Variants in CEP164 observed in about 807,000 individuals in gnomAD.
The protein encoded by CEP164 is centrosomal protein 164, also known as centrosomal protein of 164 kDa.
In CEP164, 162 loss-of-function variants were observed where a neutral mutation model predicts 182.7. That is an observed-to-expected ratio of 0.89 (90% CI 0.78 to 1.01). The LOEUF (loss-of-function observed/expected upper bound fraction) is 1.01, where lower values mean the gene tolerates loss of function less well. Ranked by LOEUF, CEP164 falls within the 50% of genes least tolerant of loss-of-function variation. CEP164 has a pLI of 0.00. For synonymous variants in CEP164, 661 were observed against 690.0 expected, an observed-to-expected ratio of 0.96 and a Z score of 0.66; for missense variants, 1,735 against 1,790.4, an observed-to-expected ratio of 0.97 and a Z score of 0.56.
chr11:117,374,615 A>T (rs1372740061), intron 10 of CEP164, among the ~76,000 whole-genome samples: 1 of 152,210 alleles, frequency 6.6e-6, no homozygotes, highest in East Asian at 1.9e-4. Context: ...CTGAAAGGAA[A>T]ATGTCACCAA....
chr11:117,398,105 C>T (rs1411058725), intron 27 of CEP164, among the ~76,000 whole-genome samples: 3 of 152,104 alleles, frequency 2.0e-5, no homozygotes, highest in Non-Finnish European at 2.9e-5. Context: ...ACAGCCATTC[C>T]AAATGGGAGA....
At position 117,365,609 on chromosome 11, in the gene CEP164, C is replaced by T. The variant is rs188299155; in HGVS notation, c.765+2103C>T. ...TTTCTTTTTTTTAGATGAAGTCTCT[C>T]ACTCTTGTCCCCCAGGCTGTAGTGC... On this transcript the variant is annotated intron_variant, in intron 8 of 32. Coordinates refer to ENST00000278935, the MANE Select transcript of CEP164 (RefSeq NM_014956.5). Among the ~76,000 whole-genome samples, 11 of 152,154 alleles carry T rather than the reference C, an allele frequency of 7.2e-5. No individual in the cohort carries two copies. The East Asian group carries it at 1.5e-3, about 21-fold the overall frequency.
chr11:117,363,626 T>A, intron 8 of CEP164, 120 bp downstream of exon 8: 1 of 658,332 alleles, frequency 1.5e-6, no homozygotes, highest in Admixed American at 2.9e-5. Context: ...GTCCCAGTCC[T>A]TCCAGATGAG....
intron 27 of CEP164, among the ~76,000 whole-genome samples, chr11:117,404,904 G>A (rs1050113566): frequency 3.9e-5 from 6 of 152,220 alleles, no homozygotes; most frequent in African/African-American, 1.4e-4. Flanking sequence ...TTGTGGAGCT[G>A]TGGTGGGCTC....
chr11:117,324,721 G>C (rs2035367556), upstream of CEP164, among the ~76,000 whole-genome samples: 1 of 152,112 alleles, frequency 6.6e-6, no homozygotes, highest in African/African-American at 2.4e-5. Flanking sequence ...AATCAACAGG[G>C]CTGGGCGTGG....
chr11:117,394,586 G>A lies in CEP164; in HGVS notation c.2760+93G>A. The A allele has an allele frequency of 6.7e-7, 1 of 1,484,302 alleles. No homozygotes were observed. Among genetic ancestry groups the A allele is most frequent in the East Asian group, 2.3e-5 (1 of 42,988 alleles). The allele number at this position is 1,484,302 out of a possible 1,614,324, so 91.9% of individuals were successfully genotyped here. On this transcript the variant is annotated intron_variant, in intron 21 of 32. Transcript: ENST00000278935. This position sits in a 1 kb window ranked among gnomAD's most constrained non-coding sequence, Gnocchi z 4.0. ...AGACGCATGGCCCCAGCAGGATGCA[G>A]CCTGACAGCTTCTGGAGTGAGAGTC...
intron 7 of CEP164, among the ~76,000 whole-genome samples, chr11:117,362,744 C>T (rs1453524879): frequency 2.6e-5 from 4 of 152,090 alleles, no homozygotes; most frequent in African/African-American, 9.7e-5. Flanking sequence ...TGCACTCCCC[C>T]GCCGCCACTA....
chr11:117,342,667 G>A (rs2038297728), intron 3 of CEP164, among the ~76,000 whole-genome samples: 1 of 151,536 alleles, frequency 6.6e-6, no homozygotes, highest in Non-Finnish European at 1.5e-5. Flanking sequence ...ATATAGACGA[G>A]GTTTCTCCAT....
At chr11:117,391,269 G>A in intron 17 of CEP164, 54 bp downstream of exon 17, 3 of 1,523,638 alleles carry the variant, frequency 2.0e-6, no homozygotes, top group Non-Finnish European at 2.7e-6. Flanking sequence ...GGCTGCCTGG[G>A]GAGGGACTGA....
At chr11:117,356,477 G>A in intron 5 of CEP164, 1 of 1,284,770 alleles carries the variant, frequency 7.8e-7, no homozygotes, top group South Asian at 1.2e-5. Flanking sequence ...TCAGGAGGTG[G>A]CCCTCGCCCC....
At chr11:117,369,753 A>G (rs1198583970) in intron 8 of CEP164, among the ~76,000 whole-genome samples, 1 of 152,204 alleles carries the variant, frequency 6.6e-6, no homozygotes. Flanking sequence ...CCCAGCAGAG[A>G]TTATTGGCTG....
chr11:117,409,621 A>G lies in CEP164; in HGVS notation c.3752A>G (p.Asp1251Gly). The change falls in exon 30 of 33, where the codon GAC becomes GGC. Residue 1251 changes from aspartate (D) to glycine (G), a missense_variant. By Grantham distance (94) the Asp-to-Gly change is moderately conservative (BLOSUM62 -1). Coordinates refer to ENST00000278935, the MANE Select transcript of CEP164 (RefSeq NM_014956.5). The surrounding 1 kb of genome is among the most constrained non-coding windows in gnomAD (Gnocchi z 4.4). ...HREWWRQQRIDSTPSLTSRKI... is the reference protein window; with the variant it reads ...HREWWRQQRIGSTPSLTSRKI... The stretch of plus-strand genomic sequence containing the variant: ...CCATCCACCTCTTTTCTTTCAGTCG[A>G]CTCAACCCCGAGTCTCACCTCCCGC... The G allele has an allele frequency of 6.2e-7, 1 of 1,605,548 alleles. No individual in the cohort carries two copies. The highest frequency in any genetic ancestry group is 1.7e-4 in the Middle Eastern group (1 of 5,980).
intron 1 of CEP164, among the ~76,000 whole-genome samples, chr11:117,333,650 TC>T (rs2036564904): frequency 6.6e-6 from 1 of 152,072 alleles, no homozygotes; most frequent in Admixed American, 6.5e-5. Flanking sequence ...CGCCTCAGTC[TC>T]CCCTGTAGCT....
In CEP164 at chr11:117,351,895, G is replaced by A. The variant is rs746506387; in HGVS notation, c.300G>A (p.Arg100=). The change falls in exon 5 of 33, where the codon CGG becomes CGA. Residue 100 remains arginine (R), a synonymous_variant. Coordinates refer to ENST00000278935, the MANE Select transcript of CEP164 (RefSeq NM_014956.5). Reference sequence around the variant, plus strand: ...ATCGGAGCTTGGTGATCCAAGAGCGGGCAAAGCTGTCAACTTCTGGGGCCA... The same window carrying A: ...ATCGGAGCTTGGTGATCCAAGAGCGAGCAAAGCTGTCAACTTCTGGGGCCA... ...EHYRSLVIQE[R]AKLSTSGAIK... 6.2e-7 allele frequency: 1 copy of A among 1,613,612 alleles called. No individual in the cohort carries two copies. Among genetic ancestry groups the A allele is most frequent in the Non-Finnish European group, 8.5e-7 (1 of 1,179,928 alleles).
intron 4 of CEP164, among the ~76,000 whole-genome samples, chr11:117,349,461 A>C (rs1442458785): frequency 2.0e-5 from 3 of 152,170 alleles, no homozygotes; most frequent in Non-Finnish European, 4.4e-5. Context: ...TTGCTGGGTC[A>C]CATGGTAATT....
chr11:117,383,286 T>G (rs2043549481), intron 14 of CEP164, among the ~76,000 whole-genome samples: 2 of 152,204 alleles, frequency 1.3e-5, no homozygotes, highest in African/African-American at 4.8e-5. Context: ...TGTTGAGGTA[T>G]GTATGTACAC....
rs376357203 is a variant in CEP164 at position 117,362,039 on chromosome 11, C to G, written c.552+46C>G. 2.7e-6 allele frequency: 4 copies of G among 1,499,068 alleles called. No individual in the cohort carries two copies. In the African/African-American group the frequency reaches 5.6e-5, roughly 21 times the overall value. The allele number at this position is 1,499,068 out of a possible 1,614,324, so 92.9% of individuals were successfully genotyped here. ...TCAGTGTCTGTAGTTCCTGTGGGGC[C>G]TCCCGTGTGCCATACCAGGAACTAT... On this transcript the variant is annotated intron_variant, in intron 6 of 32. Transcript: ENST00000278935.
At chr11:117,350,665 A>G (rs2039510471) in intron 4 of CEP164, among the ~76,000 whole-genome samples, 1 of 152,108 alleles carries the variant, frequency 6.6e-6, no homozygotes, top group East Asian at 1.9e-4. Context: ...CAGATTTCAT[A>G]AGGAGCTTGA....
chr11:117,380,072 G>A lies in CEP164; in HGVS notation c.1318-542G>A, dbSNP rs970096021. On this transcript the variant is annotated intron_variant, in intron 11 of 32. Coordinates refer to ENST00000278935, the MANE Select transcript of CEP164 (RefSeq NM_014956.5). ...GTCTTCCTTCCTCCAGGTGCCAGGT[G>A]GTGCCCTTTTTGTCTCTGGCACAGC... Among the ~76,000 whole-genome samples, 4 of 151,862 alleles carry A rather than the reference G, an allele frequency of 2.6e-5. No homozygotes were observed. In the East Asian group the frequency reaches 5.8e-4, roughly 22 times the overall value.
Sources: allele counts gnomAD v4.1 joint callset (sites outside exome capture counted in the v4.1 genomes callset), GRCh38; gene constraint gnomAD v4.1.1; non-coding constraint Gnocchi (gnomAD v3.1); transcripts MANE v1.5; gene names NCBI Gene and HGNC (gene_info 2026-07-23, HGNC 2026-07-21).